Variants in SUMF1 observed in about 807,000 individuals in gnomAD.
SUMF1 encodes the protein formylglycine-generating enzyme.
Under a neutral mutation model 47.6 loss-of-function variants are expected in SUMF1, and 48 were observed. That is an observed-to-expected ratio of 1.01 (90% CI 0.80 to 1.28). The LOEUF is 1.28. Ranked by LOEUF, SUMF1 falls within the 50% of genes most tolerant of loss-of-function variation. The probability of loss-of-function intolerance (pLI) is 0.00; values close to 1 mark genes in which losing one functional copy is unlikely to be tolerated. For missense variants in SUMF1, 571 were observed against 485.4 expected, an observed-to-expected ratio of 1.18 and a Z score of -1.66; for synonymous variants, 230 against 192.1, an observed-to-expected ratio of 1.20 and a Z score of -1.63.
At chr3:4,068,782 A>T in intron 8 of SUMF1, 1 of 304,706 alleles carries the variant, frequency 3.3e-6, no homozygotes, top group South Asian at 2.8e-5. Flanking sequence ...AAGAAATAAT[A>T]ATAACATGAA....
chr3:4,214,784 T>A (rs867050787), intron 8 of SUMF1, among the ~76,000 whole-genome samples: 20 of 151,810 alleles, frequency 1.3e-4, no homozygotes, highest in African/African-American at 4.8e-4. Context: ...GAAAATAAGC[T>A]AAAAAACCTA....
At chr3:4,154,636 C>T (rs1694411756) in intron 8 of SUMF1, among the ~76,000 whole-genome samples, 1 of 151,686 alleles carries the variant, frequency 6.6e-6, no homozygotes, top group African/African-American at 2.4e-5. Context: ...TCCCCCAAAC[C>T]TGGGCTCTTT....
At chr3:4,183,596 G>C (rs1369343213) in intron 8 of SUMF1, among the ~76,000 whole-genome samples, 1 of 134,500 alleles carries the variant, frequency 7.4e-6, no homozygotes, top group Non-Finnish European at 1.7e-5. Context: ...ACAGAGAAAA[G>C]CATTACAGGC....
chr3:4,309,874 ATGGG>A, intron 8 of SUMF1, among the ~76,000 whole-genome samples: 1 of 152,358 alleles, frequency 6.6e-6, no homozygotes, highest in African/African-American at 2.4e-5. Flanking sequence ...TTATTTAACT[ATGGG>A]GAAACAGTCT....
chr3:4,231,752 T>A (rs1696304127), intron 8 of SUMF1, among the ~76,000 whole-genome samples: 1 of 152,098 alleles, frequency 6.6e-6, no homozygotes, highest in African/African-American at 2.4e-5. Flanking sequence ...AACAGCTGCA[T>A]GTTGAGAAGA....
chr3:4,198,179 G>T (rs1695471065), intron 8 of SUMF1, among the ~76,000 whole-genome samples: 1 of 151,972 alleles, frequency 6.6e-6, no homozygotes, highest in Non-Finnish European at 1.5e-5. Context: ...GGCAGTGAAG[G>T]TATAAACAAA....
At chr3:4,143,772 T>C (rs967433576) in intron 8 of SUMF1, among the ~76,000 whole-genome samples, 4 of 152,022 alleles carry the variant, frequency 2.6e-5, no homozygotes, top group African/African-American at 9.7e-5. Context: ...TCCTAATCCA[T>C]CAAGCCCTCA....
At chr3:4,200,355 A>G (rs923089967) in intron 8 of SUMF1, among the ~76,000 whole-genome samples, 3 of 151,958 alleles carry the variant, frequency 2.0e-5, no homozygotes, top group South Asian at 2.1e-4. Context: ...TCTGCCTTCA[A>G]TGTGGGCAGG....
At chr3:4,239,061 G>A (rs1696477939) in intron 8 of SUMF1, among the ~76,000 whole-genome samples, 1 of 152,018 alleles carries the variant, frequency 6.6e-6, no homozygotes, top group Non-Finnish European at 1.5e-5. Context: ...TTTTTGCCAG[G>A]TTTGTCAAAG....
intron 8 of SUMF1, among the ~76,000 whole-genome samples, chr3:4,247,415 T>A (rs191053250): frequency 9.2e-5 from 14 of 152,342 alleles, no homozygotes; most frequent in Admixed American, 4.6e-4. Context: ...TGTAAAGCTA[T>A]TAAATTCAAT....
intron 8 of SUMF1, among the ~76,000 whole-genome samples, chr3:4,172,231 A>G (rs1049164130): frequency 6.6e-6 from 1 of 152,164 alleles, no homozygotes; most frequent in Non-Finnish European, 1.5e-5. Flanking sequence ...AAGAGACGTT[A>G]TTAAAGATGA....
At chr3:4,206,952 AT>A (rs1376380064) in intron 8 of SUMF1, among the ~76,000 whole-genome samples, 227 of 152,280 alleles carry the variant, frequency 1.5e-3, no homozygotes, top group African/African-American at 5.3e-3. Context: ...GAGAATTGCC[AT>A]TTTAACTAAA....
At chr3:4,193,837 G>C (rs1316012175) in intron 8 of SUMF1, among the ~76,000 whole-genome samples, 1 of 152,050 alleles carries the variant, frequency 6.6e-6, no homozygotes, top group Non-Finnish European at 1.5e-5. Flanking sequence ...GTAGAAAATG[G>C]AGTTGATAAT....
At position 4,389,683 on chromosome 3, in the gene SUMF1, T is replaced by C. The variant is rs116622319; in HGVS notation, c.955-13294A>G. Among the ~76,000 whole-genome samples, 657 of 152,282 alleles carry C rather than the reference T, an allele frequency of 4.3e-3. 4 individuals are homozygous for C. Among genetic ancestry groups the C allele is most frequent in the Non-Finnish European group, 7.7e-3 (523 of 68,022 alleles). The stretch of plus-strand genomic sequence containing the variant: ...TTTTCTTTCCACTGCTCAGACTGGG[T>C]AATTTCTTTTGTTCTAGTTGACAGT... On this transcript the variant is annotated intron_variant, in intron 7 of 8. Coordinates refer to ENST00000272902, the MANE Select transcript of SUMF1 (RefSeq NM_182760.4).
intron 8 of SUMF1, among the ~76,000 whole-genome samples, chr3:4,165,810 T>TGAG (rs3048244): frequency 0.35 from 51,830 of 149,886 alleles, 9,233 homozygotes; most frequent in East Asian, 0.39. Flanking sequence ...TGTTGATGCC[T>TGAG]GAGTGTTTCC....
intron 2 of SUMF1, 147 bp downstream of exon 2, chr3:4,452,729 T>G: frequency 1.9e-6 from 2 of 1,040,694 alleles, no homozygotes; most frequent in South Asian, 2.7e-5. Flanking sequence ...CTGTGAGAAA[T>G]TAAGATGAAA....
intron 8 of SUMF1, among the ~76,000 whole-genome samples, chr3:4,189,045 G>C (rs1259748835): frequency 6.6e-6 from 1 of 152,036 alleles, no homozygotes; most frequent in Non-Finnish European, 1.5e-5. Flanking sequence ...AGATACATAA[G>C]TGATTTGGTC....
At chr3:4,057,447 G>A (rs58378353) in intron 9 of SUMF1, among the ~76,000 whole-genome samples, 30,978 of 152,008 alleles carry the variant, frequency 0.2, 3,981 homozygotes, top group Middle Eastern at 0.3. Flanking sequence ...TGGGTAAATC[G>A]AAAACCAAAC....
At chr3:4,226,844 T>C (rs1440728110) in intron 8 of SUMF1, among the ~76,000 whole-genome samples, 2 of 149,360 alleles carry the variant, frequency 1.3e-5, no homozygotes, top group African/African-American at 2.5e-5. Context: ...GTAACTTTTA[T>C]ATGCTATGAC....
Sources: gnomAD v4.1 joint callset for allele counts (sites outside exome capture counted in the v4.1 genomes callset) on GRCh38, gnomAD v4.1.1 for gene constraint, MANE v1.5 for transcripts, NCBI Gene and HGNC (gene_info 2026-07-23, HGNC 2026-07-21) for gene names.